Variants in RAD17 observed in about 807,000 individuals in gnomAD.
The protein encoded by RAD17 is RAD17 checkpoint clamp loader component, also known as cell cycle checkpoint protein RAD17.
A neutral mutation model predicts 81.5 loss-of-function variants in RAD17; 31 were observed. The observed-to-expected ratio is 0.38, with a 90% confidence interval of 0.29 to 0.51. The LOEUF is 0.51. Ranked by LOEUF, RAD17 falls within the 20% of genes least tolerant of loss-of-function variation. The pLI is 0.88. For synonymous variants in RAD17, 261 were observed against 266.2 expected, an observed-to-expected ratio of 0.98 and a Z score of 0.19; for missense variants, 681 against 781.2, an observed-to-expected ratio of 0.87 and a Z score of 1.53.
At chr5:69,376,431 T>C (rs1460633654) in intron 6 of RAD17, among the ~76,000 whole-genome samples, 1 of 152,256 alleles carries the variant, frequency 6.6e-6, no homozygotes, top group Admixed American at 6.5e-5. Flanking sequence ...TACCTTGAAA[T>C]ACATTTCCAA....
At chr5:69,401,251 C>T (rs1765247004) in intron 17 of RAD17, among the ~76,000 whole-genome samples, 2 of 152,130 alleles carry the variant, frequency 1.3e-5, no homozygotes, top group South Asian at 4.1e-4. Context: ...AAGTACTTCC[C>T]CTACAACCAC....
intron 17 of RAD17, among the ~76,000 whole-genome samples, chr5:69,407,562 GTTTTTTTTTTTTTTTTTTTTTT>G (rs550222595): frequency 2.4e-5 from 1 of 40,890 alleles, no homozygotes; most frequent in Non-Finnish European, 4.1e-5. Flanking sequence ...CTATGTCCAA[GTTTTTTTTTTTTTTTTTTTTTT>G]TTTTTTTTTG....
intron 18 of RAD17, among the ~76,000 whole-genome samples, chr5:69,410,965 C>CTACATATATATATATATA (rs1554044688): frequency 3.3e-5 from 3 of 90,264 alleles, no homozygotes; most frequent in African/African-American, 1.5e-4. Flanking sequence ...AGATGTCTGT[C>CTACATATATATATATATA]TATATATATA....
In RAD17 at chr5:69,398,144, G is replaced by A. The variant is rs548726919; in HGVS notation, c.1572+1598G>A. Among the ~76,000 whole-genome samples the A allele has an allele frequency of 1.4e-4, 21 of 151,818 alleles. No homozygotes were observed. In the South Asian group the frequency reaches 4.0e-3, roughly 29 times the overall value. On this transcript the variant is annotated intron_variant, in intron 16 of 18. Coordinates refer to ENST00000354868, the MANE Select transcript of RAD17 (RefSeq NM_133338.3). ...AAAAAAAAAAGAAAATCACTAAAAC[G>A]GTAGATTTTAAGTGTTCTCACCACA...
At chr5:69,390,944 C>T (rs1356234011) in intron 12 of RAD17, among the ~76,000 whole-genome samples, 2 of 100,680 alleles carry the variant, frequency 2.0e-5, no homozygotes, top group Non-Finnish European at 4.5e-5. Flanking sequence ...TAGAGCCAGA[C>T]CCTGTGTCAA....
At chr5:69,402,068 A>T (rs1191175442) in intron 17 of RAD17, among the ~76,000 whole-genome samples, 11 of 137,656 alleles carry the variant, frequency 8.0e-5, no homozygotes, top group African/African-American at 2.6e-4. Flanking sequence ...TTTTTTTGAG[A>T]TGGAGTTTCA....
chr5:69,376,423 C>T (rs1224722755), intron 6 of RAD17, among the ~76,000 whole-genome samples: 2 of 152,184 alleles, frequency 1.3e-5, no homozygotes, highest in African/African-American at 2.4e-5. Context: ...TGTTTAGTTA[C>T]CTTGAAATAC....
chr5:69,407,254 C>T (rs566548349), intron 17 of RAD17, among the ~76,000 whole-genome samples: 147 of 152,166 alleles, frequency 9.7e-4, no homozygotes, highest in African/African-American at 3.5e-3. Context: ...CCGCCTGCTT[C>T]GGCCTGTGTA....
intron 3 of RAD17, 132 bp from the exon 4 acceptor site, chr5:69,371,902 G>C: frequency 9.6e-6 from 4 of 416,884 alleles, no homozygotes. Context: ...AGCAAGATAG[G>C]GGTTAAGGTG....
chr5:69,373,791 A>G, intron 4 of RAD17, 39 bp from the exon 5 acceptor site: 1 of 1,561,706 alleles, frequency 6.4e-7, no homozygotes, highest in Middle Eastern at 1.7e-4. Context: ...TAGATGGGAG[A>G]AAATGTGATT....
chr5:69,369,913 A>G lies in RAD17; in HGVS notation c.-437A>G, dbSNP rs538076597. The G allele has an allele frequency of 5.1e-5, 29 of 567,238 alleles. No homozygotes were observed. The highest frequency in any genetic ancestry group is 4.8e-4 in the South Asian group (21 of 43,386). 35.1% of individuals were successfully genotyped at this position (567,238 alleles called of 1,614,324 possible). ...TGGTCGCCTCCGCTCTTCGCCTAAA[A>G]GGGGATGCAGCTCCGGGAAAGTAAG... is the stretch of plus-strand genomic sequence containing the variant. On this transcript the variant is annotated 5_prime_UTR_variant, in exon 1 of 19. Coordinates refer to ENST00000354868, the MANE Select transcript of RAD17 (RefSeq NM_133338.3).
At chr5:69,405,019 T>C (rs1295753689) in intron 17 of RAD17, among the ~76,000 whole-genome samples, 1 of 152,158 alleles carries the variant, frequency 6.6e-6, no homozygotes, top group Non-Finnish European at 1.5e-5. Context: ...ACATTAAGGC[T>C]TAACACTAAT....
chr5:69,391,738 T>C, intron 12 of RAD17, 93 bp from the exon 13 acceptor site: 1 of 992,452 alleles, frequency 1.0e-6, no homozygotes, highest in African/African-American at 1.7e-5. Flanking sequence ...CAAATTGTAA[T>C]TAGAATATTT....
chr5:69,378,872 T>C (rs1166570753), intron 6 of RAD17, among the ~76,000 whole-genome samples: 4 of 152,192 alleles, frequency 2.6e-5, no homozygotes, highest in African/African-American at 9.7e-5. Context: ...TGTTACTGTA[T>C]TGAATACTGT....
intron 8 of RAD17, among the ~76,000 whole-genome samples, chr5:69,385,739 G>A (rs1764171291): frequency 1.3e-5 from 2 of 152,080 alleles, no homozygotes; most frequent in South Asian, 4.1e-4. Flanking sequence ...AATAGCTGTA[G>A]GATAAGGAAT....
chr5:69,374,581 A>C (rs749413033), intron 5 of RAD17, 47 bp from the exon 6 acceptor site: 2 of 1,442,298 alleles, frequency 1.4e-6, no homozygotes, highest in Non-Finnish European at 9.6e-7. Context: ...GTACCAAAAA[A>C]TCTTCAGTTA....
intron 15 of RAD17, 95 bp from the exon 16 acceptor site, chr5:69,396,301 GA>G: frequency 7.5e-7 from 1 of 1,332,756 alleles, no homozygotes; most frequent in Non-Finnish European, 1.0e-6. Flanking sequence ...TGAACACATA[GA>G]AACTAAATAC....
chr5:69,399,934 C>T, intron 16 of RAD17, 115 bp from the exon 17 acceptor site: 1 of 629,234 alleles, frequency 1.6e-6, no homozygotes, highest in South Asian at 4.7e-5. Context: ...ATATATAAAC[C>T]CACAAGTTAA....
chr5:69,385,950 A>G, intron 8 of RAD17, 93 bp from the exon 9 acceptor site: 1 of 1,195,986 alleles, frequency 8.4e-7, no homozygotes, highest in Non-Finnish European at 1.1e-6. Flanking sequence ...CATTGAATAA[A>G]TATATTTTTG....
Sources: allele counts gnomAD v4.1 joint callset (sites outside exome capture counted in the v4.1 genomes callset), GRCh38; gene constraint gnomAD v4.1.1; transcripts MANE v1.5; gene names NCBI Gene and HGNC (gene_info 2026-07-23, HGNC 2026-07-21).